SORL1: variants seen among roughly 807,000 people sequenced by gnomAD.
SORL1 encodes the protein sortilin-related receptor.
In SORL1, 127 loss-of-function variants were observed where a neutral mutation model predicts 273.7. That is an observed-to-expected ratio of 0.46 (90% CI 0.40 to 0.54). SORL1 has a LOEUF of 0.54. SORL1 is among the 20% of genes least tolerant of loss of function. The pLI is 0.00. For missense variants in SORL1, 2,494 were observed against 2,846.1 expected (o/e 0.88, Z 2.81); for synonymous variants, 1,031 against 1,067.4 (o/e 0.97, Z 0.66).
rs1863485831 is a variant in SORL1, at chr11:121,606,969, C to A, written c.5061+12C>A. On this transcript the variant is annotated intron_variant, in intron 36 of 47. Coordinates refer to ENST00000260197, the MANE Select transcript of SORL1 (RefSeq NM_003105.6). ...TCCGTGAGTACATTGTAAGTACCTT[C>A]CATGAGTTGGCTGTATGTGTGTTGG... 4 of 1,577,958 alleles carry A rather than the reference C, an allele frequency of 2.5e-6. No individual in the cohort carries two copies. In the South Asian group the frequency reaches 4.4e-5, roughly 17 times the overall value.
At chr11:121,564,374 G>A (rs938608114) in intron 21 of SORL1, among the ~76,000 whole-genome samples, 1 of 152,142 alleles carries the variant, frequency 6.6e-6, no homozygotes, top group Admixed American at 6.5e-5. Flanking sequence ...CTGCCTCAGA[G>A]TACAGTTTCA....
chr11:121,608,431 C>T (rs1438912411), intron 38 of SORL1: 4 of 452,216 alleles, frequency 8.8e-6, no homozygotes, highest in African/African-American at 6.0e-5. Context: ...TTCCAAAGGC[C>T]ATCATGCGCA....
chr11:121,577,708 G>A (rs901125482), intron 25 of SORL1, among the ~76,000 whole-genome samples: 1 of 152,138 alleles, frequency 6.6e-6, no homozygotes, highest in African/African-American at 2.4e-5. Context: ...CCTCGGCTGG[G>A]GTCCATACTT....
intron 29 of SORL1, 40 bp from the exon 30 acceptor site, chr11:121,590,000 A>T (rs1251059553): frequency 5.6e-6 from 9 of 1,608,620 alleles, no homozygotes; most frequent in African/African-American, 1.3e-5. Context: ...GTTCACACTG[A>T]TGCAGGGAAA....
At chr11:121,473,095 T>C (rs1405869299) in intron 2 of SORL1, among the ~76,000 whole-genome samples, 1 of 152,190 alleles carries the variant, frequency 6.6e-6, no homozygotes, top group Non-Finnish European at 1.5e-5. Context: ...GCAAGTGAGA[T>C]GCCTGATGTA....
chr11:121,618,548 G>A (rs1019632065), intron 41 of SORL1, among the ~76,000 whole-genome samples: 19 of 152,144 alleles, frequency 1.2e-4, no homozygotes, highest in African/African-American at 4.3e-4. Flanking sequence ...CCTCCAGAAG[G>A]AGCGCTTTGA....
chr11:121,504,191 A>C (rs916668668), intron 6 of SORL1, among the ~76,000 whole-genome samples: 2 of 152,148 alleles, frequency 1.3e-5, no homozygotes, highest in Non-Finnish European at 2.9e-5. Flanking sequence ...AGGTGGGCGG[A>C]TCACGAGGCC....
chr11:121,568,424 A>G (rs1198642034), intron 22 of SORL1, among the ~76,000 whole-genome samples: 4 of 152,228 alleles, frequency 2.6e-5, no homozygotes, highest in Non-Finnish European at 5.9e-5. Context: ...GCTACTCCAT[A>G]TTTCCCATTA....
chr11:121,619,856 C>T lies in SORL1; in HGVS notation c.5828C>T (p.Thr1943Met), dbSNP rs760195851. 2.4e-5 allele frequency: 38 copies of T among 1,613,878 alleles called. No individual in the cohort carries two copies. Among genetic ancestry groups the T allele is most frequent in the African/African-American group, 1.1e-4 (8 of 74,904 alleles). The change falls in exon 43 of 48, where the codon ACG becomes ATG. Residue 1943 changes from threonine (T) to methionine (M), a missense_variant. Physicochemically the swap from Thr to Met is moderately conservative, Grantham distance 81. Transcript: ENST00000260197. ...CCCCGTCACCTGCATGTGGTTCATA[C>T]GGGCAAAACCTCCGTGGTCATCAAG... ...LPPRHLHVVHTGKTSVVIKWE... is the reference protein window; with the variant it reads ...LPPRHLHVVHMGKTSVVIKWE...
chr11:121,490,939 TG>T (rs1861544022), intron 5 of SORL1, among the ~76,000 whole-genome samples: 1 of 152,126 alleles, frequency 6.6e-6, no homozygotes, highest in Non-Finnish European at 1.5e-5. Flanking sequence ...AGACATAGTA[TG>T]AGAAGCTAGA....
chr11:121,474,281 C>T (rs1206764432), intron 2 of SORL1, among the ~76,000 whole-genome samples: 1 of 151,640 alleles, frequency 6.6e-6, no homozygotes, highest in African/African-American at 2.4e-5. Context: ...CCCATCCGGA[C>T]TTCTTGAATC....
intron 43 of SORL1, among the ~76,000 whole-genome samples, chr11:121,620,343 A>T (rs999327725): frequency 2.0e-5 from 3 of 152,168 alleles, no homozygotes; most frequent in Admixed American, 6.5e-5. Flanking sequence ...GGTGGAGACT[A>T]TCTGGCCCTC....
chr11:121,530,670 T>C (rs553165937), intron 11 of SORL1, among the ~76,000 whole-genome samples: 1 of 152,336 alleles, frequency 6.6e-6, no homozygotes, highest in East Asian at 1.9e-4. Flanking sequence ...TCTATATTTA[T>C]ATCTTTCAAC....
intron 3 of SORL1, among the ~76,000 whole-genome samples, chr11:121,482,698 A>C (rs886731140): frequency 1.3e-5 from 2 of 152,252 alleles, no homozygotes; most frequent in African/African-American, 4.8e-5. Context: ...CGCTCTGCCT[A>C]GGCAAATCAC....
chr11:121,620,573 T>C (rs1225077696), intron 43 of SORL1, among the ~76,000 whole-genome samples: 1 of 152,174 alleles, frequency 6.6e-6, no homozygotes, highest in East Asian at 1.9e-4. Context: ...CTTGTCATGA[T>C]TGAATTTCCT....
At position 121,588,084 on chromosome 11, in the gene SORL1, C is replaced by T. The variant is rs145557291; in HGVS notation, c.3879C>T (p.Ser1293=). The part of the protein sequence containing the change: ...CKNRQQCLFH[S]MVCDGIIQCR... ...ACCGCCAGCAGTGCCTGTTCCACTC[C>T]ATGGTCTGTGACGGAATCATCCAGT... is the stretch of plus-strand genomic sequence containing the variant. The change falls in exon 28 of 48, where the codon TCC becomes TCT. Residue 1293 remains serine, a synonymous_variant. Transcript: ENST00000260197. The T allele has an allele frequency of 7.4e-6, 12 of 1,613,946 alleles. No homozygotes were observed. Among genetic ancestry groups the T allele is most frequent in the Non-Finnish European group, 1.0e-5 (12 of 1,179,912 alleles).
chr11:121,484,477 G>A (rs1861442932), intron 3 of SORL1, among the ~76,000 whole-genome samples: 1 of 152,096 alleles, frequency 6.6e-6, no homozygotes, highest in Admixed American at 6.5e-5. Context: ...AACAAAACAG[G>A]TTTGGTGGCT....
chr11:121,595,731 G>A lies in SORL1; in HGVS notation c.4478G>A (p.Gly1493Asp), dbSNP rs759807733. 3.7e-6 allele frequency: 6 copies of A among 1,613,768 alleles called. No homozygotes were observed. In the Admixed American group the frequency reaches 5.0e-5, roughly 13 times the overall value. Residue 1493 changes from glycine to aspartate, a missense_variant, in exon 32 of 48, where the codon GGC becomes GAC. By Grantham distance (94) the Gly-to-Asp change is moderately conservative. Transcript: ENST00000260197. The surrounding 1 kb of genome is among the most constrained non-coding windows in gnomAD (Gnocchi z 5.1). ...ATTCCCAACTGGAAGCGCTGTGACG[G>A]CCACCAAGATTGCCAGGATGGCCGG... ...TCIPNWKRCD[G>D]HQDCQDGRDE...
chr11:121,491,804 C>G (rs1861558188), intron 5 of SORL1, among the ~76,000 whole-genome samples: 4 of 152,178 alleles, frequency 2.6e-5, no homozygotes, highest in African/African-American at 9.7e-5. Context: ...AGCATGTGGT[C>G]AGTTTGAGTC....
Sources: allele counts gnomAD v4.1 joint callset (sites outside exome capture counted in the v4.1 genomes callset), GRCh38; gene constraint gnomAD v4.1.1; non-coding constraint Gnocchi (gnomAD v3.1); transcripts MANE v1.5; gene names NCBI Gene and HGNC (gene_info 2026-07-23, HGNC 2026-07-21).